The following SEMA3A variants were observed in gnomAD, a reference collection of about 807,000 sequenced individuals.
SEMA3A encodes semaphorin-3A.
SEMA3A carries 29 observed loss-of-function variants against 97.9 expected under a neutral mutation model. That is an observed-to-expected ratio of 0.30 (90% CI 0.22 to 0.40). The LOEUF is 0.40. Ranked by LOEUF, SEMA3A falls within the 10% of genes least tolerant of loss-of-function variation. SEMA3A has a pLI of 1.00. For missense variants in SEMA3A, 763 were observed against 951.3 expected (o/e 0.80, Z 2.60); for synonymous variants, 321 against 323.7 (o/e 0.99, Z 0.09).
intron 5 of SEMA3A, among the ~76,000 whole-genome samples, chr7:84,056,547 T>G (rs1792983757): frequency 6.7e-6 from 1 of 149,694 alleles, no homozygotes; most frequent in Non-Finnish European, 1.5e-5. Flanking sequence ...TAAATTCCAC[T>G]CACAGAGTAC....
intron 2 of SEMA3A, among the ~76,000 whole-genome samples, chr7:84,332,231 C>A (rs1801925303): frequency 6.6e-6 from 1 of 151,896 alleles, no homozygotes; most frequent in Non-Finnish European, 1.5e-5. Flanking sequence ...TACAAATAAA[C>A]CCAAAATTCT....
At chr7:84,190,438 G>A (rs1268055212) in intron 1 of SEMA3A, among the ~76,000 whole-genome samples, 2 of 151,554 alleles carry the variant, frequency 1.3e-5, no homozygotes, top group Non-Finnish European at 3.0e-5. Context: ...CAAAGTCCTG[G>A]TGACAAATAT....
chr7:83,967,709 C>T (rs570141351), intron 15 of SEMA3A, among the ~76,000 whole-genome samples: 4 of 152,184 alleles, frequency 2.6e-5, no homozygotes, highest in East Asian at 1.9e-4. Context: ...GAGCCAAGAT[C>T]GACCCATTGC....
At chr7:84,202,032 T>A (rs1798370854) in intron 3 of SEMA3A, among the ~76,000 whole-genome samples, 1 of 152,186 alleles carries the variant, frequency 6.6e-6, no homozygotes, top group Non-Finnish European at 1.5e-5. Flanking sequence ...CAGTGAACTG[T>A]CACAATGTGC....
At chr7:84,055,350 A>G (rs936411078) in intron 5 of SEMA3A, among the ~76,000 whole-genome samples, 10 of 152,166 alleles carry the variant, frequency 6.6e-5, no homozygotes, top group Non-Finnish European at 1.0e-4. Flanking sequence ...GCTAGCAATC[A>G]GCGAGACTCC....
chr7:84,099,094 G>C (rs1371153355), intron 4 of SEMA3A, among the ~76,000 whole-genome samples: 1 of 45,630 alleles, frequency 2.2e-5, no homozygotes, highest in Non-Finnish European at 6.7e-5. Context: ...TTTTTGAGAC[G>C]GAGTCTCGCT....
intron 3 of SEMA3A, among the ~76,000 whole-genome samples, chr7:84,210,153 G>T (rs540043057): frequency 6.6e-6 from 1 of 152,088 alleles, no homozygotes; most frequent in African/African-American, 2.4e-5. Flanking sequence ...ATACACTAAA[G>T]TATTTTTTTT....
At chr7:84,238,983 C>G (rs1255266870) in intron 3 of SEMA3A, among the ~76,000 whole-genome samples, 1 of 152,160 alleles carries the variant, frequency 6.6e-6, no homozygotes, top group East Asian at 1.9e-4. Flanking sequence ...TCTCAAAGTA[C>G]TGGGATGACA....
intron 1 of SEMA3A, among the ~76,000 whole-genome samples, chr7:84,152,582 A>G (rs1369266140): frequency 2.1e-5 from 3 of 140,700 alleles, no homozygotes; most frequent in Non-Finnish European, 1.5e-5. Context: ...TGGGAGATAT[A>G]CCTAATGCTA....
chr7:84,220,009 A>G (rs1213848305), intron 3 of SEMA3A, among the ~76,000 whole-genome samples: 1 of 152,150 alleles, frequency 6.6e-6, no homozygotes, highest in Non-Finnish European at 1.5e-5. Flanking sequence ...CCCTTTCATG[A>G]ATAATTTCTC....
intron 3 of SEMA3A, among the ~76,000 whole-genome samples, chr7:84,239,963 G>C (rs1799321278): frequency 6.6e-6 from 1 of 152,108 alleles, no homozygotes; most frequent in African/African-American, 2.4e-5. Context: ...ACTAATGTTA[G>C]AAGAATGTTT....
chr7:84,176,425 T>C (rs1022498109), intron 1 of SEMA3A, among the ~76,000 whole-genome samples: 2 of 152,072 alleles, frequency 1.3e-5, no homozygotes, highest in African/African-American at 2.4e-5. Flanking sequence ...ATACCACGAG[T>C]TGGATGTAAA....
chr7:84,191,331 T>A (rs1798032883), intron 1 of SEMA3A, among the ~76,000 whole-genome samples: 1 of 151,648 alleles, frequency 6.6e-6, no homozygotes, highest in Admixed American at 6.6e-5. Flanking sequence ...GAAGTTAAGG[T>A]TAAAATCATT....
intron 2 of SEMA3A, among the ~76,000 whole-genome samples, chr7:84,368,505 A>C (rs2116091939): frequency 6.6e-6 from 1 of 151,134 alleles, no homozygotes; most frequent in South Asian, 2.1e-4. Flanking sequence ...GTTTGGCTTT[A>C]TAGTTTTATG....
At position 83,961,508 on chromosome 7, in the gene SEMA3A, T is replaced by C; in HGVS notation, c.2179A>G (p.Lys727Glu). 1 of 1,614,108 alleles carries C rather than the reference T, an allele frequency of 6.2e-7. No homozygotes were observed. The highest frequency in any genetic ancestry group is 8.5e-7 in the Non-Finnish European group (1 of 1,179,972). The change falls in exon 17 of 17, where the codon AAA becomes GAA. Residue 727 changes from lysine to glutamate, a missense_variant. Around this residue, in one of 2 missense-constraint regions of SEMA3A, gnomAD observed 678 missense variants for 881.3 expected, o/e 0.77. Transcript: ENST00000265362. ...TGCCGACGTTGTTTTCGGTCCCTTT[T>C]CCAAACTTGTTCACAGAACTCATCC... ...TMDEFCEQVWKRDRKQRRQRP... is the reference protein window; with the variant it reads ...TMDEFCEQVWERDRKQRRQRP...
chr7:84,174,810 C>CA (rs916298020), intron 1 of SEMA3A, among the ~76,000 whole-genome samples: 1 of 152,050 alleles, frequency 6.6e-6, no homozygotes, highest in African/African-American at 2.4e-5. Context: ...AAAGCTTTCA[C>CA]TTTTTCAGAA....
intron 11 of SEMA3A, 38 bp downstream of exon 11, chr7:84,005,301 T>C: frequency 2.1e-6 from 3 of 1,446,798 alleles, no homozygotes; most frequent in South Asian, 2.3e-5. Flanking sequence ...AAACATAGTG[T>C]TCGGAAAAAA....
At chr7:84,267,000 T>C (rs1303865312) in intron 3 of SEMA3A, among the ~76,000 whole-genome samples, 1 of 152,166 alleles carries the variant, frequency 6.6e-6, no homozygotes, top group Non-Finnish European at 1.5e-5. Context: ...ATTTCACTTA[T>C]TTTAGCAAGG....
At chr7:84,038,354 A>G (rs1422421948) in intron 6 of SEMA3A, among the ~76,000 whole-genome samples, 1 of 152,150 alleles carries the variant, frequency 6.6e-6, no homozygotes. Context: ...ATATTTATGT[A>G]TTTTAATTGT....
Sources: gnomAD v4.1 joint callset for allele counts (sites outside exome capture counted in the v4.1 genomes callset) on GRCh38, gnomAD v4.1.1 for gene constraint, gnomAD v4.1.1 regional missense constraint, MANE v1.5 for transcripts, NCBI Gene and HGNC (gene_info 2026-07-23, HGNC 2026-07-21) for gene names.